Variants in PLXNB1 observed in about 807,000 individuals in gnomAD.
The protein encoded by PLXNB1 is plexin B1.
Under a neutral mutation model 209.4 loss-of-function variants are expected in PLXNB1, and 106 were observed. That is an observed-to-expected ratio of 0.51 (90% CI 0.43 to 0.59). The LOEUF is 0.59. Among genes scored for constraint, PLXNB1 ranks in the 20% least tolerant of loss-of-function variants. The probability of loss-of-function intolerance (pLI) is 0.00; values close to 1 mark genes in which losing one functional copy is unlikely to be tolerated. For missense variants in PLXNB1, 2,357 were observed against 2,853.2 expected, an observed-to-expected ratio of 0.83 and a Z score of 3.96; for synonymous variants, 1,167 against 1,183.2, an observed-to-expected ratio of 0.99 and a Z score of 0.28.
chr3:48,406,016 CT>C lies in PLXNB1; in HGVS notation c.6229-219del. ...GAACAGGGTAGAGCAAGGGGGCCTC[CT>C]TGGTAGGAAGACAGCCCAGGTCTAC... On this transcript the variant is annotated intron_variant, in intron 36 of 37. Coordinates refer to ENST00000296440, the MANE Select transcript of PLXNB1 (RefSeq NM_001130082.3). This position sits in a 1 kb window ranked among gnomAD's most constrained non-coding sequence, Gnocchi z 4.4. The C allele has an allele frequency of 6.1e-6, 3 of 493,808 alleles. No individual in the cohort carries two copies. Among genetic ancestry groups the C allele is most frequent in the Non-Finnish European group, 1.1e-5 (3 of 268,988 alleles). The allele number at this position is 493,808 out of a possible 1,614,324, so 30.6% of individuals were successfully genotyped here.
rs1434899534 is a variant in PLXNB1 at position 48,412,301 on chromosome 3, T to C, written c.5037A>G (p.Thr1679=). Residue 1679 remains threonine, a synonymous_variant, in exon 27 of 38, where the codon ACA becomes ACG. Transcript: ENST00000296440. ...AKNPKLMLRR[T]ETVVEKLLTN... ...TGAGCAGCTTCTCCACCACAGTCTCTGTCCTGAGATGATGGGAAAGGGGAG... is the reference window on the plus strand; with the variant it reads ...TGAGCAGCTTCTCCACCACAGTCTCCGTCCTGAGATGATGGGAAAGGGGAG... 1.9e-6 allele frequency: 3 copies of C among 1,614,008 alleles called. No homozygotes were observed. Among genetic ancestry groups the C allele is most frequent in the South Asian group, 2.2e-5 (2 of 91,082 alleles).
Position 48,411,847 on chromosome 3 carries a change from A to C in PLXNB1, c.5247+16T>G. The C allele has an allele frequency of 2.5e-6, 4 of 1,612,908 alleles. No homozygotes were observed. Among genetic ancestry groups the C allele is most frequent in the Non-Finnish European group, 2.5e-6 (3 of 1,179,454 alleles). On this transcript the variant is annotated intron_variant, in intron 28 of 37. Transcript: ENST00000296440. The surrounding 1 kb of genome is among the most constrained non-coding windows in gnomAD (Gnocchi z 4.0). ...ACCGCACTCAGACTGCAGGCCACAC[A>C]CTTGCACACCCTCACCAGGGGACGG...
rs770379349 is a variant in PLXNB1, at chr3:48,420,294, T to A, written c.2029-37A>T. On this transcript the variant is annotated intron_variant, in intron 10 of 37. Transcript: ENST00000296440. ...GGCAGAGGAAGACAGGAAGGGCCAC[T>A]CAGCAGGCAGGCGCGGGACAGGAGG... 5 of 1,325,108 alleles carry A rather than the reference T, an allele frequency of 3.8e-6. No individual in the cohort carries two copies. The African/African-American group carries it at 5.8e-5, about 15-fold the overall frequency. The allele number at this position is 1,325,108 out of a possible 1,614,324, so 82.1% of individuals were successfully genotyped here.
Position 48,422,220 on chromosome 3 carries a change from A to T in PLXNB1, c.1420-15T>A. ...ACCTTCAGAAGCTGAGACAGCAAAG[A>T]GGACCTGAGGCCAGCAATCCAAACA... On this transcript the variant is annotated splice_polypyrimidine_tract_variant and intron_variant, in intron 5 of 37. Coordinates refer to ENST00000296440, the MANE Select transcript of PLXNB1 (RefSeq NM_001130082.3). 6.2e-7 allele frequency: 1 copy of T among 1,613,156 alleles called. No individual in the cohort carries two copies. The highest frequency in any genetic ancestry group is 8.5e-7 in the Non-Finnish European group (1 of 1,179,168).
At position 48,418,900 on chromosome 3, in the gene PLXNB1, G is replaced by T. The variant is rs1291039628; in HGVS notation, c.2955+17C>A. 1 of 1,613,750 alleles carries T rather than the reference G, an allele frequency of 6.2e-7. No individual in the cohort carries two copies. The highest frequency in any genetic ancestry group is 2.2e-5 in the East Asian group (1 of 44,882). ...GTGCAGTGCACCCGTGCCCACCCAG[G>T]CGCTCATGGTGTGCACCTGGTGCTG... On this transcript the variant is annotated intron_variant, in intron 13 of 37. Coordinates refer to ENST00000296440, the MANE Select transcript of PLXNB1 (RefSeq NM_001130082.3). The surrounding 1 kb of genome is among the most constrained non-coding windows in gnomAD (Gnocchi z 6.6).
rs561681559 is a variant in PLXNB1 at position 48,419,907 on chromosome 3, T to C, written c.2379A>G (p.Ser793=). The stretch of plus-strand genomic sequence containing the variant: ...GGGGCACTGCTGCTACCTCTGAGGG[T>C]GACAGCGGGGAGGCCAAGAGGTCCT... ...TPEDLLASPL[S]PSEVAAVPPA... is the part of the protein sequence containing the mutation. Residue 793 remains serine (S), a synonymous_variant, in exon 11 of 38, where the codon TCA becomes TCG. Transcript: ENST00000296440. This position sits in a 1 kb window ranked among gnomAD's most constrained non-coding sequence, Gnocchi z 5.7. The C allele has an allele frequency of 1.2e-5, 18 of 1,561,912 alleles. No individual in the cohort carries two copies. The African/African-American group carries it at 1.6e-4, about 14-fold the overall frequency.
intron 4 of PLXNB1, 146 bp from the exon 5 acceptor site, chr3:48,422,605 G>T: frequency 1.6e-6 from 2 of 1,261,466 alleles, no homozygotes; most frequent in African/African-American, 1.5e-5. Flanking sequence ...AGCGGGGATG[G>T]AGGAAAGTCA....
rs556916812 is a variant in PLXNB1 at position 48,418,902 on chromosome 3, G to A, written c.2955+15C>T. On this transcript the variant is annotated intron_variant, in intron 13 of 37. Transcript: ENST00000296440. This position sits in a 1 kb window ranked among gnomAD's most constrained non-coding sequence, Gnocchi z 6.6. ...GCAGTGCACCCGTGCCCACCCAGGC[G>A]CTCATGGTGTGCACCTGGTGCTGCT... The A allele has an allele frequency of 1.3e-5, 21 of 1,613,626 alleles. No homozygotes were observed. The highest frequency in any genetic ancestry group is 9.3e-5 in the African/African-American group (7 of 75,028).
Position 48,421,122 on chromosome 3 carries a change from G to A in PLXNB1, c.1810+106C>T. 5 of 1,409,982 alleles carry A rather than the reference G, an allele frequency of 3.5e-6. No homozygotes were observed. In the South Asian group the frequency reaches 6.4e-5, roughly 18 times the overall value. 87.3% of individuals were successfully genotyped at this position (1,409,982 alleles called of 1,614,324 possible). ...TGGTTGGGGAGTGGGAGGACCCAGA[G>A]AAAGGCATCCATTCATGGCTCTTTG... is the stretch of plus-strand genomic sequence containing the variant. On this transcript the variant is annotated intron_variant, in intron 8 of 37. Transcript: ENST00000296440.
rs540944780 is a variant in PLXNB1, at chr3:48,423,353, C to T, written c.1107+152G>A. 5 of 849,782 alleles carry T rather than the reference C, an allele frequency of 5.9e-6. No individual in the cohort carries two copies. The South Asian group carries it at 6.8e-5, about 12-fold the overall frequency. 52.6% of individuals were successfully genotyped at this position (849,782 alleles called of 1,614,324 possible). ...TTGTGGTAAGGTACCCTTCCACTGC[C>T]CAGGCAACATAGGAAGCACTTAATA... On this transcript the variant is annotated intron_variant, in intron 3 of 37. Transcript: ENST00000296440.
chr3:48,404,371 T>C lies in PLXNB1; in HGVS notation c.*115A>G. On this transcript the variant is annotated 3_prime_UTR_variant, in exon 38 of 38. Transcript: ENST00000296440. ...GCCACCAGGAGACTGGGAGTCACCT[T>C]CCACTAACTCTGCTTGTCAGTCACT... is the stretch of plus-strand genomic sequence containing the variant. The C allele has an allele frequency of 1.5e-6, 1 of 645,194 alleles. No homozygotes were observed. Among genetic ancestry groups the C allele is most frequent in the Non-Finnish European group, 2.7e-6 (1 of 374,054 alleles). The allele number at this position is 645,194 out of a possible 1,614,324, so 40.0% of individuals were successfully genotyped here.
At position 48,414,964 on chromosome 3, in the gene PLXNB1, G is replaced by A. The variant is rs557274794; in HGVS notation, c.4044C>T (p.Asp1348=). ...RTPALPGLPE[D]PWVRVEFILD... ...GGATAAATTCCACCCGGACCCAGGG[G>A]TCCTCAGGCAGGCCTGGGAGGGCAG... The change falls in exon 21 of 38, where the codon GAC becomes GAT. Residue 1348 remains aspartate, a synonymous_variant. Coordinates refer to ENST00000296440, the MANE Select transcript of PLXNB1 (RefSeq NM_001130082.3). 9 of 1,613,744 alleles carry A rather than the reference G, an allele frequency of 5.6e-6. No homozygotes were observed. The highest frequency in any genetic ancestry group is 4.0e-5 in the African/African-American group (3 of 74,946).
chr3:48,412,645 A>C, intron 25 of PLXNB1, 25 bp from the exon 26 acceptor site: 1 of 1,612,066 alleles, frequency 6.2e-7, no homozygotes. Flanking sequence ...AAGGGATGGG[A>C]AAAGGGGTTT....
At position 48,415,234 on chromosome 3, in the gene PLXNB1, C is replaced by G; in HGVS notation, c.3908G>C (p.Arg1303Thr). 4.3e-6 allele frequency: 7 copies of G among 1,613,482 alleles called. No homozygotes were observed. Among genetic ancestry groups the G allele is most frequent in the Non-Finnish European group, 5.9e-6 (7 of 1,180,026 alleles). Residue 1303 changes from arginine to threonine, a missense_variant, in exon 20 of 38, where the codon AGG (arginine) becomes ACG (threonine). Arg to Thr is a moderately conservative substitution (Grantham distance 71). This residue lies in a region of PLXNB1 where 743 missense variants were observed against 896.2 expected (regional missense o/e 0.83). Coordinates refer to ENST00000296440, the MANE Select transcript of PLXNB1 (RefSeq NM_001130082.3). The surrounding 1 kb of genome is among the most constrained non-coding windows in gnomAD (Gnocchi z 5.0). ...MLQPSQGLGR[R>T]RRVVPETACS... ...TGCCGTCTCCGGGACCACGCGACGC[C>G]TCCGTCCAAGCCCCTGGCTGGGCTG...
At position 48,417,145 on chromosome 3, in the gene PLXNB1, A is replaced by T. The variant is rs1463231541; in HGVS notation, c.3375-694T>A. ...ATGGTCTGGAACACTAACAGTCTAG[A>T]TAGTCACCGTAAGTTCTCGGTCATA... On this transcript the variant is annotated intron_variant, in intron 16 of 37. Coordinates refer to ENST00000296440, the MANE Select transcript of PLXNB1 (RefSeq NM_001130082.3). The surrounding 1 kb of genome is among the most constrained non-coding windows in gnomAD (Gnocchi z 4.4). 5.9e-5 allele frequency among the ~76,000 whole-genome samples: 9 copies of T among 152,024 alleles called. No homozygotes were observed. The South Asian group carries it at 1.9e-3, about 32-fold the overall frequency.
chr3:48,417,163 C>T lies in PLXNB1; in HGVS notation c.3375-712G>A, dbSNP rs754162007. Among the ~76,000 whole-genome samples, 1 of 152,204 alleles carries T rather than the reference C, an allele frequency of 6.6e-6. No individual in the cohort carries two copies. Among genetic ancestry groups the T allele is most frequent in the Non-Finnish European group, 1.5e-5 (1 of 68,036 alleles). ...AGTCTAGATAGTCACCGTAAGTTCT[C>T]GGTCATAACACATTCAGGGGACACT... is the stretch of plus-strand genomic sequence containing the variant. On this transcript the variant is annotated intron_variant, in intron 16 of 37. Coordinates refer to ENST00000296440, the MANE Select transcript of PLXNB1 (RefSeq NM_001130082.3). This position sits in a 1 kb window ranked among gnomAD's most constrained non-coding sequence, Gnocchi z 4.4.
chr3:48,406,736 C>T lies in PLXNB1; in HGVS notation c.6228+87G>A. ...ACAGGGCTGCTGAGGTTCCCAAGGG[C>T]TTCCCTGCAAAGGGGCAGTGTGAAG... On this transcript the variant is annotated intron_variant, in intron 36 of 37. Coordinates refer to ENST00000296440, the MANE Select transcript of PLXNB1 (RefSeq NM_001130082.3). The surrounding 1 kb of genome is among the most constrained non-coding windows in gnomAD (Gnocchi z 4.4). The T allele has an allele frequency of 6.7e-7, 1 of 1,495,270 alleles. No individual in the cohort carries two copies. Among genetic ancestry groups the T allele is most frequent in the Admixed American group, 2.2e-5 (1 of 44,836 alleles). The allele number at this position is 1,495,270 out of a possible 1,614,324, so 92.6% of individuals were successfully genotyped here.
rs1276321776 is a variant in PLXNB1, at chr3:48,411,234, C to A, written c.5248-198G>T. Among the ~76,000 whole-genome samples, 1 of 152,184 alleles carries A rather than the reference C, an allele frequency of 6.6e-6. No individual in the cohort carries two copies. Among genetic ancestry groups the A allele is most frequent in the Non-Finnish European group, 1.5e-5 (1 of 68,038 alleles). ...TCCCCATTGTGACCCCAGCACCTAG[C>A]GCAGTGCACTTGTAAACCACTATGG... On this transcript the variant is annotated intron_variant, in intron 28 of 37. Coordinates refer to ENST00000296440, the MANE Select transcript of PLXNB1 (RefSeq NM_001130082.3). This position sits in a 1 kb window ranked among gnomAD's most constrained non-coding sequence, Gnocchi z 4.0.
intron 26 of PLXNB1, 62 bp downstream of exon 26, chr3:48,412,380 C>T: frequency 6.2e-7 from 1 of 1,611,052 alleles, no homozygotes; most frequent in Non-Finnish European, 8.5e-7. Flanking sequence ...GACCCCCCAG[C>T]CCGAGGCCCC....
Sources: allele counts gnomAD v4.1 joint callset (sites outside exome capture counted in the v4.1 genomes callset), GRCh38; gene constraint gnomAD v4.1.1; regional missense constraint gnomAD v4.1.1; non-coding constraint Gnocchi (gnomAD v3.1); transcripts MANE v1.5; gene names NCBI Gene and HGNC (gene_info 2026-07-23, HGNC 2026-07-21).